Variants in PROS1 observed in about 807,000 individuals in gnomAD.
PROS1 encodes vitamin K-dependent protein S.
In PROS1, 29 loss-of-function variants were observed where a neutral mutation model predicts 75.9. The observed-to-expected ratio is 0.38, with a 90% confidence interval of 0.28 to 0.52. PROS1 has a LOEUF of 0.52. PROS1 is among the 20% of genes least tolerant of loss of function. PROS1 has a pLI of 0.83. For synonymous variants in PROS1, 245 were observed against 280.6 expected (o/e 0.87, Z 1.27); for missense variants, 680 against 810.3 (o/e 0.84, Z 1.95).
intron 12 of PROS1, among the ~76,000 whole-genome samples, chr3:93,884,473 G>A (rs760892484): frequency 1.2e-4 from 18 of 152,098 alleles, no homozygotes; most frequent in Admixed American, 1.2e-3. Context: ...TAGGTCAATT[G>A]AATTTACCCA....
intron 7 of PROS1, among the ~76,000 whole-genome samples, chr3:93,899,818 G>A (rs1296085230): frequency 1.3e-5 from 2 of 152,196 alleles, no homozygotes; most frequent in African/African-American, 4.8e-5. Flanking sequence ...TACTGCTTAA[G>A]AGTTTCTGTT....
chr3:93,900,225 G>T (rs1018366858), intron 7 of PROS1, among the ~76,000 whole-genome samples: 42 of 152,330 alleles, frequency 2.8e-4, no homozygotes, highest in African/African-American at 9.9e-4. Flanking sequence ...GCACCTTTAA[G>T]GGGTTGCCCC....
chr3:93,932,414 A>G (rs1054771940), intron 1 of PROS1, among the ~76,000 whole-genome samples: 2 of 152,240 alleles, frequency 1.3e-5, no homozygotes, highest in Non-Finnish European at 2.9e-5. Flanking sequence ...ATTAAGAAGT[A>G]TCTCAAGAAA....
intron 10 of PROS1, among the ~76,000 whole-genome samples, chr3:93,890,733 G>A (rs1482664331): frequency 6.6e-6 from 1 of 152,156 alleles, no homozygotes; most frequent in African/African-American, 2.4e-5. Context: ...CTCACTAAAA[G>A]CTTACTGAAT....
chr3:93,969,298 G>T (rs1472916034), intron 1 of PROS1, among the ~76,000 whole-genome samples: 1 of 151,824 alleles, frequency 6.6e-6, no homozygotes, highest in Non-Finnish European at 1.5e-5. Context: ...TTGAGGAGAG[G>T]GTTCTTTCTC....
At chr3:93,890,902 T>A (rs1004456904) in intron 10 of PROS1, among the ~76,000 whole-genome samples, 10 of 152,230 alleles carry the variant, frequency 6.6e-5, no homozygotes, top group Middle Eastern at 3.4e-3. Context: ...GGTCTGAAGT[T>A]CAGGACCAGC....
intron 10 of PROS1, among the ~76,000 whole-genome samples, chr3:93,890,996 T>G (rs1708423747): frequency 6.6e-6 from 1 of 151,986 alleles, no homozygotes; most frequent in Non-Finnish European, 1.5e-5. Context: ...TCCCAGCTAC[T>G]CGAGAGGCTG....
intron 10 of PROS1, among the ~76,000 whole-genome samples, chr3:93,892,274 G>A (rs1177745610): frequency 1.3e-5 from 2 of 151,954 alleles, no homozygotes; most frequent in African/African-American, 4.8e-5. Context: ...AGGTTGCAGT[G>A]AGGCAAGACC....
intron 1 of PROS1, among the ~76,000 whole-genome samples, chr3:93,959,738 A>C (rs1709672498): frequency 6.6e-6 from 1 of 152,250 alleles, no homozygotes; most frequent in Non-Finnish European, 1.5e-5. Context: ...TGGAATAGCA[A>C]AGTTATAGAC....
chr3:93,936,797 T>C (rs948285675), intron 1 of PROS1, among the ~76,000 whole-genome samples: 1 of 152,222 alleles, frequency 6.6e-6, no homozygotes, highest in Non-Finnish European at 1.5e-5. Context: ...AAAGTGATGC[T>C]TATGGTTAAT....
intron 1 of PROS1, among the ~76,000 whole-genome samples, chr3:93,939,519 C>A (rs1431975235): frequency 6.6e-6 from 1 of 152,136 alleles, no homozygotes; most frequent in Non-Finnish European, 1.5e-5. Context: ...CCTTCTATCA[C>A]CTCCCTTCCT....
At chr3:93,895,327 A>G (rs1708488581) in intron 9 of PROS1, among the ~76,000 whole-genome samples, 1 of 152,268 alleles carries the variant, frequency 6.6e-6, no homozygotes, top group Admixed American at 6.5e-5. Flanking sequence ...TCTCATTATT[A>G]TTCTCATAGC....
chr3:93,874,415 G>T lies in PROS1; in HGVS notation c.1871-10C>A. On this transcript the variant is annotated splice_polypyrimidine_tract_variant and intron_variant, in intron 14 of 14. Coordinates refer to ENST00000394236, the MANE Select transcript of PROS1 (RefSeq NM_000313.4). ...GCACTGAATGGAACATCTGTAAAAGGAAAATATTAGAATATTAGTCCAAGA... is the reference window on the plus strand; with the variant it reads ...GCACTGAATGGAACATCTGTAAAAGTAAAATATTAGAATATTAGTCCAAGA... The T allele has an allele frequency of 3.7e-6, 6 of 1,613,116 alleles. No homozygotes were observed. The highest frequency in any genetic ancestry group is 5.1e-6 in the Non-Finnish European group (6 of 1,179,330).
chr3:93,893,481 C>A (rs1164569680), intron 9 of PROS1, among the ~76,000 whole-genome samples: 1 of 151,898 alleles, frequency 6.6e-6, no homozygotes, highest in Non-Finnish European at 1.5e-5. Context: ...TCTCCTGGAG[C>A]CTTTTATACA....
At chr3:93,883,156 A>G (rs1708296781) in intron 12 of PROS1, among the ~76,000 whole-genome samples, 1 of 152,022 alleles carries the variant, frequency 6.6e-6, no homozygotes, top group African/African-American at 2.4e-5. Context: ...TGCTTCCCCA[A>G]CCTCCGCATC....
chr3:93,892,861 T>G, intron 10 of PROS1, 72 bp downstream of exon 10: 2 of 1,503,094 alleles, frequency 1.3e-6, no homozygotes, highest in South Asian at 2.3e-5. Context: ...TTGGTATCAC[T>G]ATAAAAATAA....
intron 10 of PROS1, among the ~76,000 whole-genome samples, chr3:93,886,884 C>T (rs2107140854): frequency 6.6e-6 from 1 of 150,722 alleles, no homozygotes; most frequent in South Asian, 2.1e-4. Context: ...ATAATACGCA[C>T]ATGGAATCAA....
At chr3:93,886,544 C>T (rs781763071) in intron 10 of PROS1, 41 bp from the exon 11 acceptor site, 1 of 1,458,102 alleles carries the variant, frequency 6.9e-7, no homozygotes. Flanking sequence ...CCAAGTATTA[C>T]TACATGTCAT....
At chr3:93,968,432 A>G (rs1342541303) in intron 1 of PROS1, among the ~76,000 whole-genome samples, 1 of 152,158 alleles carries the variant, frequency 6.6e-6, no homozygotes, top group Non-Finnish European at 1.5e-5. Context: ...GAAGAAACCA[A>G]CCTTCCTGAT....
Sources: allele counts gnomAD v4.1 joint callset (sites outside exome capture counted in the v4.1 genomes callset), GRCh38; gene constraint gnomAD v4.1.1; transcripts MANE v1.5; gene names NCBI Gene and HGNC (gene_info 2026-07-23, HGNC 2026-07-21).